The following RBMS3 variants were observed in gnomAD, a reference collection of about 807,000 sequenced individuals.
RBMS3 encodes RNA-binding motif, single-stranded-interacting protein 3.
RBMS3 carries 27 observed loss-of-function variants against 66.8 expected under a neutral mutation model. That is an observed-to-expected ratio of 0.40 (90% CI 0.30 to 0.56). RBMS3 has a LOEUF of 0.56. Among genes scored for constraint, RBMS3 ranks in the 20% least tolerant of loss-of-function variants. The probability of loss-of-function intolerance (pLI) is 0.40; values close to 1 mark genes in which losing one functional copy is unlikely to be tolerated. For synonymous variants in RBMS3, 188 were observed against 183.0 expected, an observed-to-expected ratio of 1.03 and a Z score of -0.22; for missense variants, 513 against 549.5, an observed-to-expected ratio of 0.93 and a Z score of 0.66.
chr3:29,340,786 A>G (rs1308902536), intron 1 of RBMS3, among the ~76,000 whole-genome samples: 5 of 152,194 alleles, frequency 3.3e-5, no homozygotes, highest in African/African-American at 7.2e-5. Context: ...TAATTAGATC[A>G]TAGTATTTCA....
chr3:29,427,650 T>C (rs2041012251), intron 1 of RBMS3, among the ~76,000 whole-genome samples: 1 of 152,188 alleles, frequency 6.6e-6, no homozygotes, highest in South Asian at 2.1e-4. Context: ...AGAGATGGCA[T>C]GTCAGTCCCT....
chr3:29,627,150 G>C (rs145170708), intron 4 of RBMS3, among the ~76,000 whole-genome samples: 56 of 152,172 alleles, frequency 3.7e-4, no homozygotes, highest in African/African-American at 1.3e-3. Flanking sequence ...CCAAATGTTA[G>C]TTTAAAAAAA....
chr3:29,307,792 C>T (rs563386074), intron 1 of RBMS3, among the ~76,000 whole-genome samples: 4 of 151,968 alleles, frequency 2.6e-5, no homozygotes, highest in African/African-American at 9.6e-5. Context: ...AAATTAATTG[C>T]TTGTCTATGA....
rs1222102515 is a variant in RBMS3 at position 29,524,415 on chromosome 3, A to ATTTTTTTTTTTTTTTTTT, written c.307+35928_307+35945dup. 1.9e-4 allele frequency among the ~76,000 whole-genome samples: 11 copies of ATTTTTTTTTTTTTTTTTT among 57,110 alleles called. 1 individual carries two copies. The highest frequency in any genetic ancestry group is 9.3e-4 in the South Asian group (1 of 1,080). 37.5% of individuals were successfully genotyped at this position (57,110 alleles called of 152,430 possible). A position where few individuals can be genotyped will look rare whatever the true frequency, so the allele number is the denominator to read the frequency against. On this transcript the variant is annotated intron_variant, in intron 3 of 14. Coordinates refer to ENST00000383767, the MANE Select transcript of RBMS3 (RefSeq NM_001003793.3). The stretch of plus-strand genomic sequence containing the variant: ...GGAAGATATGAGTGACTCCCTTTAC[A>ATTTTTTTTTTTTTTTTTT]TTTTTTTTTTTTTTTTTTTTTTTTT...
At chr3:29,570,765 C>A (rs2046924030) in intron 3 of RBMS3, among the ~76,000 whole-genome samples, 1 of 152,104 alleles carries the variant, frequency 6.6e-6, no homozygotes, top group Non-Finnish European at 1.5e-5. Flanking sequence ...TTGGCTGTTG[C>A]AAACAGTGCT....
chr3:29,880,804 G>A, intron 7 of RBMS3: 1 of 1,536,054 alleles, frequency 6.5e-7, no homozygotes, highest in Non-Finnish European at 8.7e-7. Flanking sequence ...ACTGTCCCTA[G>A]GCAAAATCGT....
At position 29,589,141 on chromosome 3, in the gene RBMS3, A is replaced by T. The variant is rs958896571; in HGVS notation, c.399+1936A>T. Among the ~76,000 whole-genome samples, 4 of 152,116 alleles carry T rather than the reference A, an allele frequency of 2.6e-5. No homozygotes were observed. The East Asian group carries it at 7.7e-4, about 29-fold the overall frequency. On this transcript the variant is annotated intron_variant, in intron 4 of 14. Coordinates refer to ENST00000383767, the MANE Select transcript of RBMS3 (RefSeq NM_001003793.3). ...AAAGAAAGTTGACACTGATTTTATA[A>T]CTACTGGGGAACCATTATGAATATT...
intron 10 of RBMS3, among the ~76,000 whole-genome samples, chr3:29,928,133 A>T (rs1480076210): frequency 2.0e-5 from 3 of 148,224 alleles, no homozygotes; most frequent in Non-Finnish European, 3.0e-5. Context: ...TTATAACCCC[A>T]CTTAGAACAA....
intron 3 of RBMS3, among the ~76,000 whole-genome samples, chr3:29,507,939 T>C (rs1031274938): frequency 1.3e-5 from 2 of 152,124 alleles, no homozygotes; most frequent in East Asian, 3.8e-4. Context: ...AAAGTAGTAT[T>C]AGCACAATTT....
At chr3:29,438,026 G>C (rs1424237911) in intron 2 of RBMS3, among the ~76,000 whole-genome samples, 1 of 113,106 alleles carries the variant, frequency 8.8e-6, no homozygotes, top group African/African-American at 4.4e-5. Context: ...AACCTTGCTT[G>C]TTTCTCTCTC....
At chr3:29,729,140 C>A (rs1320792666) in intron 4 of RBMS3, among the ~76,000 whole-genome samples, 3 of 147,748 alleles carry the variant, frequency 2.0e-5, no homozygotes, top group Admixed American at 6.8e-5. Flanking sequence ...CCTACCGCCC[C>A]ACCCCCCAAC....
At chr3:29,325,967 A>G (rs1342138835) in intron 1 of RBMS3, among the ~76,000 whole-genome samples, 2 of 152,120 alleles carry the variant, frequency 1.3e-5, no homozygotes, top group African/African-American at 4.8e-5. Context: ...CCTGGATAGG[A>G]CTATGAAGTG....
intron 1 of RBMS3, among the ~76,000 whole-genome samples, chr3:29,332,397 C>T (rs569401865): frequency 7.2e-5 from 11 of 152,134 alleles, no homozygotes; most frequent in Non-Finnish European, 1.5e-4. Context: ...CTCTCTCTTG[C>T]TCTCACTCTG....
At chr3:29,292,289 A>G (rs2032881810) in intron 1 of RBMS3, among the ~76,000 whole-genome samples, 1 of 151,760 alleles carries the variant, frequency 6.6e-6, no homozygotes, top group Admixed American at 6.6e-5. Flanking sequence ...CTTTACAACC[A>G]CAGAGAAATA....
intron 2 of RBMS3, among the ~76,000 whole-genome samples, chr3:29,463,425 T>C (rs575244341): frequency 2.6e-4 from 40 of 152,276 alleles, no homozygotes; most frequent in African/African-American, 8.2e-4. Flanking sequence ...CAGAGCTACA[T>C]GTGTGGTTTT....
intron 12 of RBMS3, among the ~76,000 whole-genome samples, chr3:29,969,227 G>A (rs1278376100): frequency 6.6e-6 from 1 of 152,154 alleles, no homozygotes; most frequent in Non-Finnish European, 1.5e-5. Context: ...GTCTGATAAC[G>A]ATTTTGGATA....
At chr3:29,315,447 C>G (rs903897714) in intron 1 of RBMS3, among the ~76,000 whole-genome samples, 2 of 151,758 alleles carry the variant, frequency 1.3e-5, no homozygotes, top group Non-Finnish European at 2.9e-5. Flanking sequence ...CATTCATGTA[C>G]ACACATACAT....
rs35591949 is a variant in RBMS3 at position 29,866,077 on chromosome 3, T to TAAAAAAAAAAAAAAA, written c.638-2773_638-2759dup. 6.0e-4 allele frequency among the ~76,000 whole-genome samples: 63 copies of TAAAAAAAAAAAAAAA among 105,556 alleles called. 2 individuals carry two copies. Among genetic ancestry groups the TAAAAAAAAAAAAAAA allele is most frequent in the African/African-American group, 1.8e-3 (47 of 25,874 alleles). 69.2% of individuals were successfully genotyped at this position (105,556 alleles called of 152,430 possible). The stretch of plus-strand genomic sequence containing the variant: ...TTAGTCTATTATTAACACCAAATAC[T>TAAAAAAAAAAAAAAA]AAAAAAAAAAAAAAAAAAAAAATTC... On this transcript the variant is annotated intron_variant, in intron 6 of 14. Transcript: ENST00000383767.
At chr3:29,907,345 A>G (rs1410888785) in intron 10 of RBMS3, among the ~76,000 whole-genome samples, 1 of 152,034 alleles carries the variant, frequency 6.6e-6, no homozygotes, top group Non-Finnish European at 1.5e-5. Context: ...AAATCTTTAT[A>G]TTTCATAATT....
Sources: gnomAD v4.1 joint callset for allele counts (sites outside exome capture counted in the v4.1 genomes callset) on GRCh38, gnomAD v4.1.1 for gene constraint, MANE v1.5 for transcripts, NCBI Gene and HGNC (gene_info 2026-07-23, HGNC 2026-07-21) for gene names.